The following NPRL3 variants were observed in gnomAD, a reference collection of about 807,000 sequenced individuals.
The protein encoded by NPRL3 is GATOR1 complex protein NPRL3.
In NPRL3, 23 loss-of-function variants were observed where a neutral mutation model predicts 57.2. The observed-to-expected ratio is 0.40, with a 90% CI of 0.29 to 0.57. The LOEUF is 0.57. Ranked by LOEUF, NPRL3 falls within the 20% of genes least tolerant of loss-of-function variation. The pLI is 0.42. For missense variants in NPRL3, 691 were observed against 767.1 expected (o/e 0.90, Z 1.17); for synonymous variants, 333 against 321.1 (o/e 1.04, Z -0.39).
Position 86,353 on chromosome 16 carries a change from G to GATCTC in NPRL3, c.*351_*352insGAGAT. On this transcript the variant is annotated 3_prime_UTR_variant, in exon 14 of 14. Transcript: ENST00000611875. Reference sequence around the variant, plus strand: ...CTGGGGGGTCCAAGGAGCAGGTGTAGGGACAGAAGGAGGGTCTGAGAAACG... The same window carrying GATCTC: ...CTGGGGGGTCCAAGGAGCAGGTGTAGATCTCGGACAGAAGGAGGGTCTGAGAAACG... The GATCTC allele has an allele frequency of 1.1e-4, 28 of 259,050 alleles. No homozygotes were observed. Among genetic ancestry groups the GATCTC allele is most frequent in the South Asian group, 3.9e-4 (5 of 12,718 alleles). The allele number at this position is 259,050 out of a possible 1,614,324, so 16.0% of individuals were successfully genotyped here.
chr16:117,474 A>C (rs1377635063), intron 4 of NPRL3, 99 bp from the exon 5 acceptor site: 6 of 770,950 alleles, frequency 7.8e-6, no homozygotes, highest in Non-Finnish European at 1.3e-5. Context: ...CCCAGAATAC[A>C]GCACCAAGGT....
At chr16:115,421 T>C (rs1186099131) in intron 5 of NPRL3, among the ~76,000 whole-genome samples, 1 of 151,824 alleles carries the variant, frequency 6.6e-6, no homozygotes, top group East Asian at 1.9e-4. Context: ...ACTCTTTACA[T>C]TATCAAAATT....
At chr16:122,513 G>A (rs1437574480) in intron 3 of NPRL3, among the ~76,000 whole-genome samples, 3 of 152,192 alleles carry the variant, frequency 2.0e-5, no homozygotes, top group Non-Finnish European at 2.9e-5. Flanking sequence ...ATAAACAAGT[G>A]TTGTTTTGTT....
At position 138,315 on chromosome 16, in the gene NPRL3, G is replaced by A. The variant is rs777416253; in HGVS notation, c.-48C>T. On this transcript the variant is annotated 5_prime_UTR_variant, in exon 2 of 14. Transcript: ENST00000611875. ...GGGCGGAGGGGGCCAGAGGAGGACG[G>A]AGCCGGAGGCGGAGGGGGCCTGAGG... 5 of 918,322 alleles carry A rather than the reference G, an allele frequency of 5.4e-6. No homozygotes were observed. Among genetic ancestry groups the A allele is most frequent in the Non-Finnish European group, 6.8e-6 (5 of 735,084 alleles). 56.9% of individuals were successfully genotyped at this position (918,322 alleles called of 1,614,324 possible). A position where few individuals can be genotyped will look rare whatever the true frequency, so the allele number is the denominator to read the frequency against.
chr16:95,325 G>GTATATATATA (rs780432969), intron 9 of NPRL3, among the ~76,000 whole-genome samples: 9 of 102,226 alleles, frequency 8.8e-5, no homozygotes, highest in Non-Finnish European at 7.7e-5. Flanking sequence ...GTTTGTGTGT[G>GTATATATATA]TATATATATA....
intron 9 of NPRL3, among the ~76,000 whole-genome samples, chr16:97,313 C>G (rs1011071755): frequency 2.0e-5 from 3 of 151,644 alleles, no homozygotes; most frequent in African/African-American, 4.9e-5. Flanking sequence ...GGCACAATCT[C>G]AGCTAACTGC....
In NPRL3 at chr16:98,426, A is replaced by G. The variant is rs1011401820; in HGVS notation, c.768-125T>C. On this transcript the variant is annotated intron_variant, in intron 8 of 13. Transcript: ENST00000611875. ...GTCCTGCACCAGGTATGCACCGGGT[A>G]TGCACCAGGTATGCACCTGGGACTC... 4 of 1,042,778 alleles carry G rather than the reference A, an allele frequency of 3.8e-6. No homozygotes were observed. In the South Asian group the frequency reaches 4.8e-5, roughly 12 times the overall value. The allele number at this position is 1,042,778 out of a possible 1,614,324, so 64.6% of individuals were successfully genotyped here.
intron 6 of NPRL3, among the ~76,000 whole-genome samples, chr16:110,860 A>C (rs1237867194): frequency 6.6e-6 from 1 of 152,096 alleles, no homozygotes; most frequent in Admixed American, 6.5e-5. Context: ...TAGACCTGCT[A>C]ATTTTAAAAT....
At position 110,516 on chromosome 16, in the gene NPRL3, C is replaced by A. The variant is rs142080016; in HGVS notation, c.629+9G>T. 6.2e-7 allele frequency: 1 copy of A among 1,608,378 alleles called. No homozygotes were observed. ...GAAGGAGGTTAATAAGCACACCCACCTGTCTTACCTGTCATAAGCTTCCTT... is the reference window on the plus strand; with the variant it reads ...GAAGGAGGTTAATAAGCACACCCACATGTCTTACCTGTCATAAGCTTCCTT... On this transcript the variant is annotated intron_variant, in intron 7 of 13. Coordinates refer to ENST00000611875, the MANE Select transcript of NPRL3 (RefSeq NM_001077350.3).
At chr16:136,493 G>T (rs888967799) in intron 2 of NPRL3, among the ~76,000 whole-genome samples, 6 of 152,022 alleles carry the variant, frequency 3.9e-5, no homozygotes, top group Admixed American at 3.3e-4. Context: ...TTGGAGACCA[G>T]CCTGGCCAAC....
At chr16:103,295 G>GGTTTT in intron 7 of NPRL3, among the ~76,000 whole-genome samples, 1 of 15,894 alleles carries the variant, frequency 6.3e-5, no homozygotes, top group Non-Finnish European at 1.4e-4. Flanking sequence ...CGCCTGGGGT[G>GGTTTT]ATTTTTTTTT....
rs541397638 is a variant in NPRL3, at chr16:137,590, C to T, written c.118+560G>A. Among the ~76,000 whole-genome samples, 6 of 151,040 alleles carry T rather than the reference C, an allele frequency of 4.0e-5. No homozygotes were observed. The South Asian group carries it at 1.1e-3, about 27-fold the overall frequency. ...TTTGAGACGGAGTCTTGCTCTGTTG[C>T]CCAGGCTGGAATCCAGTGGCGCGAT... On this transcript the variant is annotated intron_variant, in intron 2 of 13. Transcript: ENST00000611875.
At chr16:120,904 CA>C (rs1023796327) in intron 3 of NPRL3, among the ~76,000 whole-genome samples, 6 of 152,192 alleles carry the variant, frequency 3.9e-5, no homozygotes, top group African/African-American at 1.4e-4. Context: ...ATTAAAACGC[CA>C]CCAAACACTT....
At chr16:116,921 G>C (rs1020290485) in intron 5 of NPRL3, among the ~76,000 whole-genome samples, 2 of 151,666 alleles carry the variant, frequency 1.3e-5, no homozygotes, top group African/African-American at 2.4e-5. Context: ...GTTGCATTGA[G>C]CCAAGATTGC....
chr16:134,543 C>T (rs1900963062), intron 2 of NPRL3, among the ~76,000 whole-genome samples: 1 of 152,018 alleles, frequency 6.6e-6, no homozygotes, highest in Non-Finnish European at 1.5e-5. Context: ...CTACCTACAC[C>T]AAGAGCTTGG....
At chr16:123,162 C>A (rs936592977) in intron 3 of NPRL3, among the ~76,000 whole-genome samples, 1 of 152,144 alleles carries the variant, frequency 6.6e-6, no homozygotes, top group African/African-American at 2.4e-5. Flanking sequence ...AGGGAGATGA[C>A]AGAGTCCACT....
intron 2 of NPRL3, 48 bp downstream of exon 2, chr16:138,102 A>C: frequency 6.9e-7 from 1 of 1,457,182 alleles, no homozygotes; most frequent in Non-Finnish European, 9.4e-7. Flanking sequence ...CGACCCCGGA[A>C]TGAGGCGGCC....
intron 2 of NPRL3, among the ~76,000 whole-genome samples, chr16:137,199 G>A (rs530526761): frequency 2.0e-5 from 3 of 152,262 alleles, no homozygotes; most frequent in African/African-American, 7.2e-5. Flanking sequence ...CAGCCTGGGC[G>A]ACAGAGTGAG....
Position 136,951 on chromosome 16 carries a change from T to C in NPRL3, c.118+1199A>G, listed in dbSNP as rs191086839. 3.8e-4 allele frequency among the ~76,000 whole-genome samples: 58 copies of C among 150,860 alleles called. No individual in the cohort carries two copies. The East Asian group carries it at 0.011, about 29-fold the overall frequency. ...GTCCGGGTGCGGTGGCTCACACCTG[T>C]AATCCCAGTACTTTGGGAGGCCGAG... On this transcript the variant is annotated intron_variant, in intron 2 of 13. Coordinates refer to ENST00000611875, the MANE Select transcript of NPRL3 (RefSeq NM_001077350.3).
Sources: allele counts gnomAD v4.1 joint callset (sites outside exome capture counted in the v4.1 genomes callset), GRCh38; gene constraint gnomAD v4.1.1; transcripts MANE v1.5; gene names NCBI Gene and HGNC (gene_info 2026-07-23, HGNC 2026-07-21).